FLT3: variants seen among roughly 807,000 people sequenced by gnomAD.
The protein encoded by FLT3 is receptor-type tyrosine-protein kinase FLT3.
A neutral mutation model predicts 126.6 loss-of-function variants in FLT3; 46 were observed. That is an observed-to-expected ratio of 0.36 (90% CI 0.29 to 0.46). The LOEUF is 0.46. Ranked by LOEUF, FLT3 falls within the 20% of genes least tolerant of loss-of-function variation. The pLI, the probability that FLT3 is intolerant of heterozygous loss-of-function variation, is 1.00. For missense variants in FLT3, 1,069 were observed against 1,190.3 expected, an observed-to-expected ratio of 0.90 and a Z score of 1.50; for synonymous variants, 404 against 434.4, an observed-to-expected ratio of 0.93 and a Z score of 0.87.
At chr13:28,083,415 T>C (rs549215335) in intron 1 of FLT3, among the ~76,000 whole-genome samples, 2 of 152,340 alleles carry the variant, frequency 1.3e-5, no homozygotes, top group South Asian at 4.1e-4. Flanking sequence ...TACTAAGGAT[T>C]GTTACATTTA....
intron 15 of FLT3, among the ~76,000 whole-genome samples, chr13:28,031,233 AAG>A (rs1873310844): frequency 6.6e-6 from 1 of 152,136 alleles, no homozygotes; most frequent in Non-Finnish European, 1.5e-5. Context: ...GTCTCAAAAA[AAG>A]AAGAAAAAAT....
intron 2 of FLT3, among the ~76,000 whole-genome samples, chr13:28,069,637 A>G (rs1217763026): frequency 1.3e-5 from 2 of 152,112 alleles, no homozygotes; most frequent in Admixed American, 1.3e-4. Context: ...ACAACCAACC[A>G]CAGATTGAAA....
intron 2 of FLT3, among the ~76,000 whole-genome samples, chr13:28,068,655 T>TC: frequency 6.6e-6 from 1 of 152,180 alleles, no homozygotes; most frequent in East Asian, 1.9e-4. Context: ...AACCTCCACC[T>TC]CCCTGGTTCA....
At chr13:28,021,310 A>G (rs940680982) in intron 19 of FLT3, among the ~76,000 whole-genome samples, 1 of 152,184 alleles carries the variant, frequency 6.6e-6, no homozygotes, top group Non-Finnish European at 1.5e-5. Context: ...GGATCGCTTG[A>G]ACCTGGGAGG....
At chr13:28,097,034 G>C (rs1879497337) in intron 1 of FLT3, among the ~76,000 whole-genome samples, 1 of 151,904 alleles carries the variant, frequency 6.6e-6, no homozygotes, top group Non-Finnish European at 1.5e-5. Context: ...AATACAGTGA[G>C]ATCTCATCTC....
At chr13:28,079,331 T>C (rs903190785) in intron 1 of FLT3, among the ~76,000 whole-genome samples, 1 of 152,198 alleles carries the variant, frequency 6.6e-6, no homozygotes, top group African/African-American at 2.4e-5. Context: ...TTCGTATCAC[T>C]ATCAGGATTT....
At chr13:28,051,675 G>C (rs1476954194) in intron 5 of FLT3, among the ~76,000 whole-genome samples, 1 of 151,666 alleles carries the variant, frequency 6.6e-6, no homozygotes, top group East Asian at 1.9e-4. Context: ...CTCCTGAGTA[G>C]CTGGGACTAC....
intron 4 of FLT3, 127 bp downstream of exon 4, chr13:28,057,220 A>G (rs926827666): frequency 4.6e-6 from 3 of 654,910 alleles, no homozygotes; most frequent in East Asian, 2.8e-5. Context: ...AATCTAATCA[A>G]TCCAACTACG....
At chr13:28,023,801 C>CT (rs1872595410) in intron 18 of FLT3, among the ~76,000 whole-genome samples, 1 of 116,026 alleles carries the variant, frequency 8.6e-6, no homozygotes, top group African/African-American at 3.7e-5. Flanking sequence ...ATTGTCTATC[C>CT]CTTTTTTTTT....
In FLT3 at chr13:28,050,357, C is replaced by T. The variant is rs1004389541; in HGVS notation, c.615-135G>A. 8 of 774,580 alleles carry T rather than the reference C, an allele frequency of 1.0e-5. No homozygotes were observed. The African/African-American group carries it at 1.2e-4, about 12-fold the overall frequency. The allele number at this position is 774,580 out of a possible 1,614,324, so 48.0% of individuals were successfully genotyped here. ...CAAAAGGTCAAAAGGTAAACAAGCC[C>T]ATATCTATGGTTTCAGCTAAGAGCT... On this transcript the variant is annotated intron_variant, in intron 5 of 23. Transcript: ENST00000241453.
At chr13:28,018,686 GA>G (rs1211052283) in intron 19 of FLT3, 97 bp from the exon 20 acceptor site, 1 of 1,305,706 alleles carries the variant, frequency 7.7e-7, no homozygotes, top group East Asian at 2.3e-5. Context: ...AGGTACCGGT[GA>G]TGGAAGGCCT....
intron 23 of FLT3, among the ~76,000 whole-genome samples, chr13:28,011,349 G>T (rs1871341725): frequency 6.9e-6 from 1 of 145,364 alleles, no homozygotes; most frequent in Admixed American, 6.8e-5. Flanking sequence ...GAGGGGAGGG[G>T]AGGGGAGGGG....
intron 19 of FLT3, among the ~76,000 whole-genome samples, chr13:28,020,046 T>C (rs1407180286): frequency 1.3e-5 from 2 of 152,178 alleles, no homozygotes; most frequent in African/African-American, 4.8e-5. Flanking sequence ...TAGACCACGC[T>C]CTACTTGGTT....
At chr13:28,011,674 T>TCCTTCCCTCCTC (rs1402994559) in intron 23 of FLT3, among the ~76,000 whole-genome samples, 2 of 146,678 alleles carry the variant, frequency 1.4e-5, no homozygotes, top group Admixed American at 1.4e-4. Flanking sequence ...CTTCCTTCCT[T>TCCTTCCCTCCTC]CCTTCCCTCC....
intron 23 of FLT3, among the ~76,000 whole-genome samples, chr13:28,004,716 T>C (rs946206688): frequency 6.6e-6 from 1 of 152,224 alleles, no homozygotes; most frequent in Non-Finnish European, 1.5e-5. Flanking sequence ...GGATATTCTA[T>C]ATAACTAAAA....
At chr13:28,017,072 T>A (rs529618395) in intron 20 of FLT3, among the ~76,000 whole-genome samples, 1 of 152,284 alleles carries the variant, frequency 6.6e-6, no homozygotes, top group Admixed American at 6.5e-5. Flanking sequence ...TGTGTAACCA[T>A]GGGCGAGTTA....
At chr13:28,080,034 G>C (rs1878215331) in intron 1 of FLT3, among the ~76,000 whole-genome samples, 1 of 152,122 alleles carries the variant, frequency 6.6e-6, no homozygotes, top group Admixed American at 6.6e-5. Flanking sequence ...CACTCACGAG[G>C]TATCCACCCC....
intron 17 of FLT3, among the ~76,000 whole-genome samples, chr13:28,026,593 CACAG>C (rs1872824255): frequency 2.0e-5 from 1 of 49,724 alleles, no homozygotes; most frequent in Non-Finnish European, 7.8e-5. Flanking sequence ...GGAGGATAAA[CACAG>C]AGCAGAGACA....
chr13:28,077,107 G>C (rs9579154), intron 1 of FLT3, among the ~76,000 whole-genome samples: 2 of 82,716 alleles, frequency 2.4e-5, no homozygotes, highest in Non-Finnish European at 6.1e-5. Flanking sequence ...AAAAGAAAGA[G>C]AGAGAGAAAG....
Sources: allele counts gnomAD v4.1 joint callset (sites outside exome capture counted in the v4.1 genomes callset), GRCh38; gene constraint gnomAD v4.1.1; transcripts MANE v1.5; gene names NCBI Gene and HGNC (gene_info 2026-07-23, HGNC 2026-07-21).